The following ZNF764 variants were observed in gnomAD, a reference collection of about 807,000 sequenced individuals.
ZNF764 encodes the protein zinc finger protein 764.
ZNF764 carries 10 observed loss-of-function variants against 13.9 expected under a neutral mutation model. The observed-to-expected ratio is 0.72, with a 90% CI of 0.44 to 1.22. ZNF764 has a LOEUF of 1.22. ZNF764 is among the 50% of genes most tolerant of loss of function. The pLI is 0.00. For missense variants in ZNF764, 647 were observed against 589.7 expected, an observed-to-expected ratio of 1.10 and a Z score of -1.01; for synonymous variants, 313 against 255.1, an observed-to-expected ratio of 1.23 and a Z score of -2.16.
rs1441058994 is a variant in ZNF764 at position 30,555,135 on chromosome 16, C to T, written c.*59G>A. On this transcript the variant is annotated 3_prime_UTR_variant, in exon 3 of 3. Coordinates refer to ENST00000395091, the MANE Select transcript of ZNF764 (RefSeq NM_001172679.2). Reference sequence around the variant, plus strand: ...CTCCCTGCAGGCCGCCGCAGAGGTTCGGGCCCCTGAGCCCATCTCGGGCCT... The same window carrying T: ...CTCCCTGCAGGCCGCCGCAGAGGTTTGGGCCCCTGAGCCCATCTCGGGCCT... 3.3e-6 allele frequency: 5 copies of T among 1,529,412 alleles called. No homozygotes were observed. The highest frequency in any genetic ancestry group is 1.4e-5 in the African/African-American group (1 of 71,404). 94.7% of individuals were successfully genotyped at this position (1,529,412 alleles called of 1,614,324 possible). A position where few individuals can be genotyped will look rare whatever the true frequency, so the allele number is the denominator to read the frequency against.
At chr16:30,556,837 C>A (rs949092698) in intron 2 of ZNF764, among the ~76,000 whole-genome samples, 1 of 151,958 alleles carries the variant, frequency 6.6e-6, no homozygotes, top group Non-Finnish European at 1.5e-5. Context: ...CCTGTCTCTA[C>A]TAAAAATACA....
chr16:30,555,769 G>A lies in ZNF764; in HGVS notation c.649C>T (p.Leu217=), dbSNP rs752401106. 1 of 1,609,210 alleles carries A rather than the reference G, an allele frequency of 6.2e-7. No homozygotes were observed. The highest frequency in any genetic ancestry group is 1.3e-5 in the African/African-American group (1 of 74,856). ...CGATGGATGGCCCGGTGTTTGCTCA[G>A]GGAGGAAGCGTGGCCGAAGCCCTTG... ...CGKGFGHASS[L]SKHRAIHRGE... Residue 217 remains leucine (L), a synonymous_variant, in exon 3 of 3, where the codon CTG becomes TTG. Transcript: ENST00000395091.
In ZNF764 at chr16:30,554,975, C is replaced by T. The variant is rs751284050; in HGVS notation, c.*219G>A. The T allele has an allele frequency of 7.2e-6, 4 of 553,444 alleles. No individual in the cohort carries two copies. The highest frequency in any genetic ancestry group is 3.7e-5 in the Admixed American group (1 of 27,056). The allele number at this position is 553,444 out of a possible 1,614,324, so 34.3% of individuals were successfully genotyped here. A position where few individuals can be genotyped will look rare whatever the true frequency, so the allele number is the denominator to read the frequency against. On this transcript the variant is annotated 3_prime_UTR_variant, in exon 3 of 3. Transcript: ENST00000395091. ...TATGTAGGTCTGGGGGTTCTCAACT[C>T]AGCCCTGCCTCAGTAGAGGGGGCCT...
In ZNF764 at chr16:30,554,725, TAGCCCTGTTCACACCACTGCACTCC is replaced by T. The variant is rs2051532844; in HGVS notation, c.*444_*468del. 2 of 151,808 alleles carry T rather than the reference TAGCCCTGTTCACACCACTGCACTCC, an allele frequency of 1.3e-5. No homozygotes were observed. The highest frequency in any genetic ancestry group is 2.9e-5 in the Non-Finnish European group (2 of 68,594). The allele number at this position is 151,808 out of a possible 1,614,324, so 9.4% of individuals were successfully genotyped here. ...GAGCACTGCAGGTTGAGGCTGCAGT[TAGCCCTGTTCACACCACTGCACTCC>T]AGCCTGGGTGACAGAGCAGGAAGCT... On this transcript the variant is annotated 3_prime_UTR_variant, in exon 3 of 3. Transcript: ENST00000395091.
rs773393145 is a variant in ZNF764 at position 30,555,396 on chromosome 16, G to A, written c.1022C>T (p.Pro341Leu). 2.2e-5 allele frequency: 34 copies of A among 1,568,220 alleles called. No individual in the cohort carries two copies. Among genetic ancestry groups the A allele is most frequent in the Middle Eastern group, 1.7e-4 (1 of 5,946 alleles). ...AHRRTHSGEK[P>L]YPCPQCGRRF... ...GCGGCCGCACTGCGGGCAGGGGTAGGGCTTCTCGCCGCTGTGGGTGCGCCT... is the reference window on the plus strand; with the variant it reads ...GCGGCCGCACTGCGGGCAGGGGTAGAGCTTCTCGCCGCTGTGGGTGCGCCT... The change falls in exon 3 of 3, where the codon CCC (proline) becomes CTC (leucine). Residue 341 changes from proline to leucine, a missense_variant. Physicochemically the swap from Pro to Leu is moderately conservative, Grantham distance 98. Transcript: ENST00000395091.
chr16:30,555,469 G>C lies in ZNF764; in HGVS notation c.949C>G (p.Pro317Ala), dbSNP rs2051542517. 6.4e-7 allele frequency: 1 copy of C among 1,557,890 alleles called. No homozygotes were observed. Among genetic ancestry groups the C allele is most frequent in the African/African-American group, 1.4e-5 (1 of 73,064 alleles). ...THTGEKPYPC[P>A]DCGRCFRQSS... ...TGGCGGAAGCAGCGCCCGCAGTCCG[G>C]GCACGGGTAGGGCTTCTCGCCGGTG... The change falls in exon 3 of 3, where the codon CCG becomes GCG. Residue 317 changes from proline to alanine, a missense_variant. Coordinates refer to ENST00000395091, the MANE Select transcript of ZNF764 (RefSeq NM_001172679.2).
rs2051539388 is a variant in ZNF764 at position 30,555,305 on chromosome 16, GTGGCCCCC to G, written c.1105_1112del (p.Gly369GlnfsTer45). 3 of 1,610,926 alleles carry G rather than the reference GTGGCCCCC, an allele frequency of 1.9e-6. No individual in the cohort carries two copies. The highest frequency in any genetic ancestry group is 2.5e-6 in the Non-Finnish European group (3 of 1,178,762). On this transcript the variant is annotated frameshift_variant, in exon 3 of 3. Coordinates refer to ENST00000395091, the MANE Select transcript of ZNF764 (RefSeq NM_001172679.2). LOFTEE classifies it low-confidence loss of function (END_TRUNC). ...ACAGACGCCCGGCGACCCGGCCCCTGTGGCCCCCGGCCCCGGGCCGATGAACCCACTGG... is the reference window on the plus strand; with the variant it reads ...ACAGACGCCCGGCGACCCGGCCCCTGGGCCCCGGGCCGATGAACCCACTGG...
chr16:30,554,209 T>G lies in ZNF764; in HGVS notation c.*985A>C, dbSNP rs1327730809. The G allele has an allele frequency of 6.6e-6, 1 of 152,194 alleles. No homozygotes were observed. Among genetic ancestry groups the G allele is most frequent in the Non-Finnish European group, 1.5e-5 (1 of 68,040 alleles). 9.4% of individuals were successfully genotyped at this position (152,194 alleles called of 1,614,324 possible). A position where few individuals can be genotyped will look rare whatever the true frequency, so the allele number is the denominator to read the frequency against. On this transcript the variant is annotated 3_prime_UTR_variant, in exon 3 of 3. Coordinates refer to ENST00000395091, the MANE Select transcript of ZNF764 (RefSeq NM_001172679.2). ...TTGGTTGTAAAATATCCTTTTCAAT[T>G]TTCACTACTAACTCATATCACTTAA...
rs368272428 is a variant in ZNF764, at chr16:30,555,999, G to A, written c.419C>T (p.Ser140Leu). ...SPGLKSPQAPSAGPPYGWEQL... is the reference protein window; with the variant it reads ...SPGLKSPQAPLAGPPYGWEQL... ...CTCCCAACCATAAGGGGGCCCGGCC[G>A]AGGGGGCTTGGGGAGACTTCAGCCC... The change falls in exon 3 of 3, where the codon TCG becomes TTG. Residue 140 changes from serine (S) to leucine (L), a missense_variant. By Grantham distance (145) the Ser-to-Leu change is moderately radical. Coordinates refer to ENST00000395091, the MANE Select transcript of ZNF764 (RefSeq NM_001172679.2). 25 of 1,612,438 alleles carry A rather than the reference G, an allele frequency of 1.6e-5. 1 individual carries two copies. In the African/African-American group the frequency reaches 2.9e-4, roughly 19 times the overall value.
In ZNF764 at chr16:30,555,656, G is replaced by A. The variant is rs1278521636; in HGVS notation, c.762C>T (p.Gly254=). 1.9e-6 allele frequency: 3 copies of A among 1,545,192 alleles called. No homozygotes were observed. Among genetic ancestry groups the A allele is most frequent in the East Asian group, 2.4e-5 (1 of 42,176 alleles). The change falls in exon 3 of 3, where the codon GGC becomes GGT. Residue 254 remains glycine (G), a synonymous_variant. Coordinates refer to ENST00000395091, the MANE Select transcript of ZNF764 (RefSeq NM_001172679.2). ...ALTSHLRVHT[G]EKPYGCADCG... ...AGTCGGCGCAGCCATAGGGTTTCTC[G>A]CCGGTGTGGACGCGCAGGTGCGAAG...
chr16:30,556,506 G>A (rs1034450485), intron 2 of ZNF764, among the ~76,000 whole-genome samples: 15 of 152,088 alleles, frequency 9.9e-5, no homozygotes, highest in Admixed American at 4.6e-4. Context: ...GGGGCGGACG[G>A]GGAGAAAGGA....
rs1392679843 is a variant in ZNF764 at position 30,555,275 on chromosome 16, C to G, written c.1143G>C (p.Val381=). 6.2e-7 allele frequency: 1 copy of G among 1,612,896 alleles called. No individual in the cohort carries two copies. Among genetic ancestry groups the G allele is most frequent in the Non-Finnish European group, 8.5e-7 (1 of 1,179,596 alleles). ...GGTCTCCGTGGCCAGGGGTCAGGGT[C>G]ACAGACAGACGCCCGGCGACCCGGC... ...HRGRVAGRLS[V]TLTPGHGDLD... Residue 381 remains valine (V), a synonymous_variant, in exon 3 of 3, where the codon GTG becomes GTC. Transcript: ENST00000395091.
chr16:30,557,862 G>A lies in ZNF764; in HGVS notation c.197-16C>T, dbSNP rs1219766566. On this transcript the variant is annotated splice_polypyrimidine_tract_variant and intron_variant, in intron 1 of 2. Transcript: ENST00000395091. ...CCTCCGATTCCTAGGGAAGAAGAAC[G>A]CAAACCCCACGCTGCGGGGAGGCCA... is the stretch of plus-strand genomic sequence containing the variant. 1.3e-6 allele frequency: 2 copies of A among 1,592,980 alleles called. No individual in the cohort carries two copies. Among genetic ancestry groups the A allele is most frequent in the South Asian group, 2.3e-5 (2 of 88,546 alleles).
Position 30,557,974 on chromosome 16 carries a change from G to A in ZNF764, c.196+13C>T, listed in dbSNP as rs1289069078. On this transcript the variant is annotated intron_variant, in intron 1 of 2. Transcript: ENST00000395091. ...GGGGGCGCAGGGCTCAGGCGAGCAG[G>A]TGGGGCTCTCACCGAGAGCGCTCAG... is the stretch of plus-strand genomic sequence containing the variant. The A allele has an allele frequency of 6.3e-7, 1 of 1,592,538 alleles. No homozygotes were observed. The highest frequency in any genetic ancestry group is 2.3e-5 in the East Asian group (1 of 43,722).
Position 30,558,140 on chromosome 16 carries a change from C to A in ZNF764, c.43G>T (p.Gly15Trp). The A allele has an allele frequency of 2.5e-6, 4 of 1,604,926 alleles. No individual in the cohort carries two copies. The highest frequency in any genetic ancestry group is 3.4e-6 in the Non-Finnish European group (4 of 1,178,214). The change falls in exon 1 of 3, where the codon GGG becomes TGG. Residue 15 changes from glycine (G) to tryptophan (W), a missense_variant. Physicochemically the swap from Gly to Trp is radical, Grantham distance 184. Coordinates refer to ENST00000395091, the MANE Select transcript of ZNF764 (RefSeq NM_001172679.2). ...GGCTCCCTCCACTCGGGTCCGGCCC[C>A]GTTTGGGTCCCGGGGAGGGAGCGGG... ...LAPLPPRDPNGAGPEWREPGA... is the reference protein window; with the variant it reads ...LAPLPPRDPNWAGPEWREPGA...
rs1458698693 is a variant in ZNF764, at chr16:30,554,258, A to G, written c.*936T>C. On this transcript the variant is annotated 3_prime_UTR_variant, in exon 3 of 3. Coordinates refer to ENST00000395091, the MANE Select transcript of ZNF764 (RefSeq NM_001172679.2). The stretch of plus-strand genomic sequence containing the variant: ...AAAAACACTGCCTGGACTCAGATCA[A>G]TAAATATGACAACCGCAGGCCAGAT... The G allele has an allele frequency of 6.6e-6, 1 of 152,258 alleles. No individual in the cohort carries two copies. The highest frequency in any genetic ancestry group is 1.9e-4 in the East Asian group (1 of 5,204). 9.4% of individuals were successfully genotyped at this position (152,258 alleles called of 1,614,324 possible).
chr16:30,557,170 G>A (rs1309584907), intron 2 of ZNF764, among the ~76,000 whole-genome samples: 2 of 151,884 alleles, frequency 1.3e-5, no homozygotes, highest in Non-Finnish European at 2.9e-5. Flanking sequence ...AGCAGGCTTG[G>A]TGGCGGGCGC....
chr16:30,556,075 C>T lies in ZNF764; in HGVS notation c.343G>A (p.Glu115Lys), dbSNP rs137968351. 2.8e-4 allele frequency: 446 copies of T among 1,612,214 alleles called. No individual in the cohort carries two copies. Among genetic ancestry groups the T allele is most frequent in the Middle Eastern group, 6.1e-4 (3 of 4,940 alleles). Residue 115 changes from glutamate (E) to lysine (K), a missense_variant, in exon 3 of 3, where the codon GAA becomes AAA. By Grantham distance (56) the Glu-to-Lys change is moderately conservative. Coordinates refer to ENST00000395091, the MANE Select transcript of ZNF764 (RefSeq NM_001172679.2). ...GGCTTCTCCAGGGCTCCCGTCCCTT[C>T]CCTTTGTCTTTCCTTTTTCTTGTTT... ...SRNKKKERQR[E>K]GTGALEKPDP...
Position 30,555,744 on chromosome 16 carries a change from C to T in ZNF764, c.674G>A (p.Arg225His), listed in dbSNP as rs1376744621. Residue 225 changes from arginine (R) to histidine (H), a missense_variant, in exon 3 of 3, where the codon CGT (arginine) becomes CAT (histidine). Transcript: ENST00000395091. ...SSLSKHRAIH[R>H]GERPHRCLEC... The stretch of plus-strand genomic sequence containing the variant: ...CAGACAGCGGTGGGGCCGCTCCCCA[C>T]GATGGATGGCCCGGTGTTTGCTCAG... The T allele has an allele frequency of 6.2e-7, 1 of 1,604,190 alleles. No individual in the cohort carries two copies. The highest frequency in any genetic ancestry group is 8.5e-7 in the Non-Finnish European group (1 of 1,177,274).
Sources: gnomAD v4.1 joint callset for allele counts (sites outside exome capture counted in the v4.1 genomes callset) on GRCh38, gnomAD v4.1.1 for gene constraint, MANE v1.5 for transcripts, NCBI Gene and HGNC (gene_info 2026-07-23, HGNC 2026-07-21) for gene names.